MROH7: variants seen among roughly 807,000 people sequenced by gnomAD.
MROH7 encodes maestro heat-like repeat-containing protein family member 7.
A neutral mutation model predicts 129.2 loss-of-function variants in MROH7; 113 were observed. The observed-to-expected ratio is 0.87, with a 90% CI of 0.75 to 1.02. The LOEUF (loss-of-function observed/expected upper bound fraction) is 1.02, where lower values mean the gene tolerates loss of function less well. Ranked by LOEUF, MROH7 falls within the 50% of genes least tolerant of loss-of-function variation. The pLI, the probability that MROH7 is intolerant of heterozygous loss-of-function variation, is 0.00. For synonymous variants in MROH7, 655 were observed against 667.9 expected (o/e 0.98, Z 0.30); for missense variants, 1,601 against 1,671.3 (o/e 0.96, Z 0.73).
rs750695149 is a variant in MROH7, at chr1:54,680,007, T to G, written c.2343T>G (p.Val781=). The G allele has an allele frequency of 1.2e-6, 2 of 1,613,984 alleles. No homozygotes were observed. Among genetic ancestry groups the G allele is most frequent in the East Asian group, 4.5e-5 (2 of 44,872 alleles). Reference sequence around the variant, plus strand: ...TGGCTAGCTCCTTCATGACCGAGGTTGTGGTGGCCCTGCTCATGTGCCCCC... The same window carrying G: ...TGGCTAGCTCCTTCATGACCGAGGTGGTGGTGGCCCTGCTCATGTGCCCCC... The part of the protein sequence containing the change: ...SLLASSFMTE[V]VVALLMCPLP... The change falls in exon 13 of 24, where the codon GTT becomes GTG. Residue 781 remains valine (V), a synonymous_variant. Transcript: ENST00000421030.
intron 1 of MROH7, among the ~76,000 whole-genome samples, chr1:54,646,576 T>C (rs997693035): frequency 2.0e-5 from 3 of 152,140 alleles, no homozygotes; most frequent in African/African-American, 7.2e-5. Flanking sequence ...TTCCAAAATA[T>C]TTAGTTATTT....
Position 54,702,106 on chromosome 1 carries a change from G to A in MROH7, c.3302G>A (p.Arg1101His), listed in dbSNP as rs369046017. The change falls in exon 20 of 24, where the codon CGC becomes CAC. Residue 1101 changes from arginine (R) to histidine (H), a missense_variant. Arg to His is a conservative substitution (Grantham distance 29). Coordinates refer to ENST00000421030, the MANE Select transcript of MROH7 (RefSeq NM_001039464.4). ...CTTCCCCAGGCACGAGAGGTCGTGC[G>A]CTCCTCCTGCATCAACCTGTATGGG... ...PHFSDAREVV[R>H]SSCINLYGKV... 96 of 1,601,994 alleles carry A rather than the reference G, an allele frequency of 6.0e-5. 1 individual carries two copies. Among genetic ancestry groups the A allele is most frequent in the South Asian group, 5.5e-4 (49 of 89,654 alleles).
chr1:54,671,353 T>C (rs1644901781), intron 7 of MROH7, among the ~76,000 whole-genome samples: 1 of 152,118 alleles, frequency 6.6e-6, no homozygotes, highest in Non-Finnish European at 1.5e-5. Flanking sequence ...TGAGCCGAGA[T>C]TGCGCCACTG....
Position 54,657,383 on chromosome 1 carries a change from A to G in MROH7, c.1231+3226A>G, listed in dbSNP as rs1333655032. Among the ~76,000 whole-genome samples the G allele has an allele frequency of 2.0e-5, 3 of 151,766 alleles. No individual in the cohort carries two copies. In the East Asian group the frequency reaches 5.9e-4, roughly 30 times the overall value. ...CCATCTTAAACATTTTTAAATTATT[A>G]TTATTATTTTTTAGGGTCAGGGTCT... On this transcript the variant is annotated intron_variant, in intron 3 of 23. Coordinates refer to ENST00000421030, the MANE Select transcript of MROH7 (RefSeq NM_001039464.4).
chr1:54,681,391 G>A (rs1645067030), intron 13 of MROH7, among the ~76,000 whole-genome samples: 1 of 152,136 alleles, frequency 6.6e-6, no homozygotes, highest in Non-Finnish European at 1.5e-5. Flanking sequence ...GGTCCCCACA[G>A]GGACAAACCA....
chr1:54,700,407 C>T lies in MROH7; in HGVS notation c.3051C>T (p.Ile1017=). 6.2e-7 allele frequency: 1 copy of T among 1,613,432 alleles called. No homozygotes were observed. The highest frequency in any genetic ancestry group is 1.3e-5 in the African/African-American group (1 of 75,052). The part of the protein sequence containing the change: ...MAEGLSHHDP[I]MKVLSIRGLV... ...AAGGCCTGAGCCACCACGACCCCAT[C>T]ATGAAGGTGCTGTCCATTCGAGGCC... Residue 1017 remains isoleucine (I), a synonymous_variant, in exon 18 of 24, where the codon ATC becomes ATT. Coordinates refer to ENST00000421030, the MANE Select transcript of MROH7 (RefSeq NM_001039464.4).
rs750250573 is a variant in MROH7 at position 54,710,135 on chromosome 1, G to A, written c.3920G>A (p.Arg1307His). The change falls in exon 24 of 24, where the codon CGC (arginine) becomes CAC (histidine). Residue 1307 changes from arginine to histidine, a missense_variant. Coordinates refer to ENST00000421030, the MANE Select transcript of MROH7 (RefSeq NM_001039464.4). Reference protein sequence around the residue: ...CENLPTSHQRRSWIMQALGSW... With the variant: ...CENLPTSHQRHSWIMQALGSW... ...AACCTGCCCACTTCCCACCAGCGGC[G>A]CTCCTGGATCATGCAGGCACTGGGC... 3.4e-5 allele frequency: 55 copies of A among 1,613,682 alleles called. No individual in the cohort carries two copies. In the Middle Eastern group the frequency reaches 6.6e-4, roughly 19 times the overall value.
At chr1:54,645,655 CTT>C (rs60788847) in intron 1 of MROH7, among the ~76,000 whole-genome samples, 8 of 124,232 alleles carry the variant, frequency 6.4e-5, no homozygotes, top group Non-Finnish European at 6.4e-5. Context: ...TTCTTTCTTT[CTT>C]TTTTTTTTTT....
chr1:54,653,967 C>T lies in MROH7; in HGVS notation c.1041C>T (p.Asp347=), dbSNP rs1207900538. ...TGGACTCCAGCCTCCTGTTCAGCGACACCTCCACCTTGACGCTGAGCAGTC... is the reference window on the plus strand; with the variant it reads ...TGGACTCCAGCCTCCTGTTCAGCGATACCTCCACCTTGACGCTGAGCAGTC... ...LSLDSSLLFS[D]TSTLTLSSQQ... Residue 347 remains aspartate, a synonymous_variant, in exon 3 of 24, where the codon GAC becomes GAT. Transcript: ENST00000421030. The T allele has an allele frequency of 1.2e-6, 2 of 1,614,236 alleles. No individual in the cohort carries two copies. The highest frequency in any genetic ancestry group is 1.7e-6 in the Non-Finnish European group (2 of 1,180,038).
At chr1:54,696,393 G>T (rs985127236) in intron 17 of MROH7, among the ~76,000 whole-genome samples, 2 of 152,046 alleles carry the variant, frequency 1.3e-5, no homozygotes. Flanking sequence ...CATTCATATT[G>T]TTATGCAACC....
rs1039797303 is a variant in MROH7 at position 54,703,428 on chromosome 1, C to G, written c.3564+683C>G. 6.6e-6 allele frequency among the ~76,000 whole-genome samples: 1 copy of G among 152,320 alleles called. No individual in the cohort carries two copies. Among genetic ancestry groups the G allele is most frequent in the East Asian group, 1.9e-4 (1 of 5,190 alleles). ...AGAGGGAGGAAAAGAAGTTTGAAGA[C>G]AAGTAAGTTTGGGAAATACTGCACT... On this transcript the variant is annotated intron_variant, in intron 21 of 23. Transcript: ENST00000421030. This position sits in a 1 kb window ranked among gnomAD's most constrained non-coding sequence, Gnocchi z 4.4.
In MROH7 at chr1:54,679,286, C is replaced by T; in HGVS notation, c.2073C>T (p.Pro691=). Residue 691 remains proline (P), a synonymous_variant, in exon 12 of 24, where the codon CCC becomes CCT. Coordinates refer to ENST00000421030, the MANE Select transcript of MROH7 (RefSeq NM_001039464.4). The part of the protein sequence containing the change: ...VIEEFGDFLG[P]QQIKDLLLAA... ...AGGAATTTGGAGACTTCCTGGGGCC[C>T]CAGCAGATAAAGGACCTGCTGCTGG... 1 of 1,614,202 alleles carries T rather than the reference C, an allele frequency of 6.2e-7. No individual in the cohort carries two copies. The highest frequency in any genetic ancestry group is 8.5e-7 in the Non-Finnish European group (1 of 1,180,026).
At chr1:54,698,288 TA>T (rs1450246185) in intron 17 of MROH7, 1 of 153,292 alleles carries the variant, frequency 6.5e-6, no homozygotes, top group African/African-American at 2.4e-5. Context: ...CAGGTTTACA[TA>T]AAGCACTTAG....
Position 54,652,944 on chromosome 1 carries a change from G to A in MROH7, c.18G>A (p.Gly6=). 1.2e-6 allele frequency: 2 copies of A among 1,602,718 alleles called. No individual in the cohort carries two copies. Among genetic ancestry groups the A allele is most frequent in the South Asian group, 1.1e-5 (1 of 89,056 alleles). The change falls in exon 3 of 24, where the codon GGG becomes GGA. Residue 6 remains glycine, a synonymous_variant. Transcript: ENST00000421030. MALSP[G]ANLVFHEDPK... is the part of the protein sequence containing the mutation. The stretch of plus-strand genomic sequence containing the variant: ...GACTGGACATGGCCCTGAGTCCAGG[G>A]GCTAACCTGGTCTTCCATGAAGACC...
In MROH7 at chr1:54,686,266, C is replaced by T. The variant is rs771024153; in HGVS notation, c.2529C>T (p.Ser843=). The T allele has an allele frequency of 3.5e-5, 57 of 1,612,178 alleles. No individual in the cohort carries two copies. Among genetic ancestry groups the T allele is most frequent in the African/African-American group, 2.3e-4 (17 of 74,892 alleles). Residue 843 remains serine (S), a synonymous_variant, in exon 15 of 24, where the codon AGC becomes AGT. Transcript: ENST00000421030. ...TCCCCTCTGCCCCATAGGCAGCCAG[C>T]GGCCTGTGCGAGCTCCTGTCCGTCA... ...RASIVPLAAA[S]GLCELLSVNS... is the part of the protein sequence containing the mutation.
At chr1:54,656,197 T>C (rs1644642146) in intron 3 of MROH7, among the ~76,000 whole-genome samples, 1 of 150,508 alleles carries the variant, frequency 6.6e-6, no homozygotes. Flanking sequence ...GCTGTCCCAA[T>C]GTATTCTTTT....
At chr1:54,695,191 A>T (rs1282451094) in intron 16 of MROH7, among the ~76,000 whole-genome samples, 185 bp from the exon 17 acceptor site, 1 of 151,978 alleles carries the variant, frequency 6.6e-6, no homozygotes, top group African/African-American at 2.4e-5. Flanking sequence ...CAGTTTCTTC[A>T]TCTGTAAAAT....
At chr1:54,699,159 TTTTCTTTCTTTC>T (rs71581823) in intron 17 of MROH7, 2 of 65,920 alleles carry the variant, frequency 3.0e-5, no homozygotes, top group Non-Finnish European at 6.2e-5. Context: ...TCTTTCTTTC[TTTTCTTTCTTTC>T]TTTCTTTCTT....
intron 3 of MROH7, among the ~76,000 whole-genome samples, chr1:54,659,899 C>G (rs1211308082): frequency 6.6e-6 from 1 of 152,144 alleles, no homozygotes; most frequent in Admixed American, 6.5e-5. Flanking sequence ...ATTCATTCTG[C>G]TGCTGATGGA....
Sources: gnomAD v4.1 joint callset for allele counts (sites outside exome capture counted in the v4.1 genomes callset) on GRCh38, gnomAD v4.1.1 for gene constraint, Gnocchi (gnomAD v3.1) non-coding constraint, MANE v1.5 for transcripts, NCBI Gene and HGNC (gene_info 2026-07-23, HGNC 2026-07-21) for gene names.